Variants in ZNF10 observed in about 807,000 individuals in gnomAD.
ZNF10 encodes the protein zinc finger protein 10.
Under a neutral mutation model 12.2 loss-of-function variants are expected in ZNF10, and 8 were observed. The observed-to-expected ratio is 0.66, with a 90% CI of 0.39 to 1.18. ZNF10 has a LOEUF of 1.18. Ranked by LOEUF, ZNF10 falls within the 50% of genes most tolerant of loss-of-function variation. ZNF10 has a pLI of 0.01. For synonymous variants in ZNF10, 229 were observed against 228.2 expected (o/e 1.00, Z -0.03); for missense variants, 603 against 678.9 (o/e 0.89, Z 1.24).
chr12:133,144,759 T>C (rs1342995830), intron 2 of ZNF10: 2 of 502,264 alleles, frequency 4.0e-6, no homozygotes, highest in African/African-American at 3.9e-5. Flanking sequence ...AGAATAGTAG[T>C]GGAAAATATG....
At chr12:133,135,672 T>C (rs755307337) in intron 1 of ZNF10, among the ~76,000 whole-genome samples, 18 of 152,228 alleles carry the variant, frequency 1.2e-4, no homozygotes, top group Non-Finnish European at 1.9e-4. Flanking sequence ...ACGACTCTTC[T>C]TGGAGGTTCT....
intron 4 of ZNF10, among the ~76,000 whole-genome samples, chr12:133,154,022 C>A (rs1430725146): frequency 6.6e-6 from 1 of 151,860 alleles, no homozygotes; most frequent in Non-Finnish European, 1.5e-5. Flanking sequence ...CTGGTACTAC[C>A]TCATCATAAC....
Position 133,155,564 on chromosome 12 carries a change from G to A in ZNF10, c.318G>A (p.Lys106=), listed in dbSNP as rs748781635. Residue 106 remains lysine (K), a synonymous_variant, in exon 5 of 5, where the codon AAG becomes AAA. Coordinates refer to ENST00000248211, the MANE Select transcript of ZNF10 (RefSeq NM_015394.5). ...CCAGCAGGAGCATTTTTAAAGATAA[G>A]CAATCCTGTGACATTAAAATGGAAG... ...SVSSRSIFKD[K]QSCDIKMEGM... is the part of the protein sequence containing the mutation. 8.7e-6 allele frequency: 14 copies of A among 1,607,550 alleles called. No individual in the cohort carries two copies. The East Asian group carries it at 2.0e-4, about 23-fold the overall frequency.
intron 1 of ZNF10, 112 bp downstream of exon 1, chr12:133,130,866 G>C (rs980979231): frequency 1.3e-5 from 2 of 152,156 alleles, no homozygotes; most frequent in Non-Finnish European, 2.9e-5. Context: ...CGGTAATTTC[G>C]TCAATGAAAA....
At chr12:133,130,954 C>G (rs1009242461) in intron 1 of ZNF10, 200 bp downstream of exon 1, 5 of 152,232 alleles carry the variant, frequency 3.3e-5, no homozygotes, top group Non-Finnish European at 7.3e-5. Flanking sequence ...GGCGGACGTT[C>G]TTGTTCTGTG....
At chr12:133,142,428 A>AAAAAAAGG (rs780984486) in intron 1 of ZNF10, among the ~76,000 whole-genome samples, 1 of 150,348 alleles carries the variant, frequency 6.7e-6, no homozygotes, top group Admixed American at 6.6e-5. Context: ...AAAAAAAAAA[A>AAAAAAAGG]GTGGGAGAAA....
intron 2 of ZNF10, among the ~76,000 whole-genome samples, chr12:133,147,478 A>G (rs1955982818): frequency 6.6e-6 from 1 of 152,174 alleles, no homozygotes. Flanking sequence ...TGTCATTTTA[A>G]CTTTCATTTC....
intron 1 of ZNF10, among the ~76,000 whole-genome samples, chr12:133,136,059 A>G (rs1210627151): frequency 6.6e-6 from 1 of 152,042 alleles, no homozygotes; most frequent in Non-Finnish European, 1.5e-5. Context: ...TTTGACTCAC[A>G]TTTCTATTGA....
chr12:133,147,608 GTTTTT>G (rs149592494), intron 2 of ZNF10, among the ~76,000 whole-genome samples: 6 of 117,118 alleles, frequency 5.1e-5, no homozygotes, highest in African/African-American at 2.0e-4. Flanking sequence ...TGTTTTCTGA[GTTTTT>G]TTTTTTTTTT....
chr12:133,155,764 G>A lies in ZNF10; in HGVS notation c.518G>A (p.Cys173Tyr). ...VSESGKYGGN[C>Y]LLPAQLVLRE... ...GAAAGTGGTAAATATGGGGGAAACT[G>A]TCTTCTTCCTGCTCAGCTAGTACTG... The change falls in exon 5 of 5, where the codon TGT (cysteine) becomes TAT (tyrosine). Residue 173 changes from cysteine (C) to tyrosine (Y), a missense_variant. By Grantham distance (194) the Cys-to-Tyr change is radical. Around this residue, in one of 3 missense-constraint regions of ZNF10, gnomAD observed 393 missense variants for 399.7 expected, o/e 0.98. Transcript: ENST00000248211. The A allele has an allele frequency of 6.2e-7, 1 of 1,613,274 alleles. No homozygotes were observed. The highest frequency in any genetic ancestry group is 8.5e-7 in the Non-Finnish European group (1 of 1,179,756).
At chr12:133,150,746 C>CT in intron 2 of ZNF10, among the ~76,000 whole-genome samples, 1 of 152,110 alleles carries the variant, frequency 6.6e-6, no homozygotes, top group Non-Finnish European at 1.5e-5. Flanking sequence ...ATGATTCCCC[C>CT]TGCCATAGCT....
intron 4 of ZNF10, among the ~76,000 whole-genome samples, chr12:133,153,692 G>T (rs1198092581): frequency 1.3e-5 from 2 of 152,134 alleles, no homozygotes; most frequent in African/African-American, 4.8e-5. Flanking sequence ...CCTGGCACAG[G>T]GATCATTTAC....
intron 1 of ZNF10, among the ~76,000 whole-genome samples, chr12:133,135,454 G>T (rs181842786): frequency 5.9e-5 from 9 of 152,220 alleles, no homozygotes; most frequent in Non-Finnish European, 1.2e-4. Context: ...CTGTGGCATC[G>T]CAGTGTTCCA....
At position 133,156,209 on chromosome 12, in the gene ZNF10, T is replaced by C. The variant is rs369066308; in HGVS notation, c.963T>C (p.Tyr321=). The change falls in exon 5 of 5, where the codon TAT becomes TAC. Residue 321 remains tyrosine (Y), a synonymous_variant. Coordinates refer to ENST00000248211, the MANE Select transcript of ZNF10 (RefSeq NM_015394.5). ...AGACCCATACTGGTGAGGAACCCTATGAATGTAAAGAATGTGGAAAATCCT... is the reference window on the plus strand; with the variant it reads ...AGACCCATACTGGTGAGGAACCCTACGAATGTAAAGAATGTGGAAAATCCT... The part of the protein sequence containing the change: ...HQKTHTGEEP[Y]ECKECGKSFS... 12 of 1,613,960 alleles carry C rather than the reference T, an allele frequency of 7.4e-6. No homozygotes were observed. In the African/African-American group the frequency reaches 1.3e-4, roughly 18 times the overall value.
rs530954513 is a variant in ZNF10 at position 133,155,646 on chromosome 12, G to C, written c.400G>C (p.Asp134His). Residue 134 changes from aspartate to histidine, a missense_variant, in exon 5 of 5, where the codon GAC becomes CAC. Asp to His is a moderately conservative substitution (Grantham distance 81, BLOSUM62 -1). Around this residue, in one of 3 missense-constraint regions of ZNF10, gnomAD observed 393 missense variants for 399.7 expected, o/e 0.98. Transcript: ENST00000248211. ...LSLEEVWKCR[D>H]QLDKYQENPE... ...ATTAGAAGAAGTCTGGAAATGTAGAGACCAGTTAGACAAGTATCAGGAAAA... is the reference window on the plus strand; with the variant it reads ...ATTAGAAGAAGTCTGGAAATGTAGACACCAGTTAGACAAGTATCAGGAAAA... 6.2e-7 allele frequency: 1 copy of C among 1,613,914 alleles called. No homozygotes were observed. Among genetic ancestry groups the C allele is most frequent in the South Asian group, 1.1e-5 (1 of 91,002 alleles).
chr12:133,138,710 C>A (rs139868187), intron 1 of ZNF10, among the ~76,000 whole-genome samples: 290 of 152,222 alleles, frequency 1.9e-3, no homozygotes, highest in African/African-American at 6.6e-3. Context: ...TTTCCAGTTA[C>A]TTCAGCCTTT....
chr12:133,155,618 G>C lies in ZNF10; in HGVS notation c.372G>C (p.Leu124Phe). The C allele has an allele frequency of 6.2e-7, 1 of 1,614,026 alleles. No homozygotes were observed. Among genetic ancestry groups the C allele is most frequent in the Non-Finnish European group, 8.5e-7 (1 of 1,179,978 alleles). The change falls in exon 5 of 5, where the codon TTG becomes TTC. Residue 124 changes from leucine (L) to phenylalanine (F), a missense_variant. Physicochemically the swap from Leu to Phe is conservative, Grantham distance 22. Transcript: ENST00000248211. ...EGMARNDLWY[L>F]SLEEVWKCRD... ...TGGCAAGGAATGATCTCTGGTATTT[G>C]TCATTAGAAGAAGTCTGGAAATGTA...
Position 133,156,029 on chromosome 12 carries a change from A to C in ZNF10, c.783A>C (p.Arg261Ser), listed in dbSNP as rs1439314139. ...SSLGISKGIH[R>S]EKPYECKECG... ...TTGGTATATCAAAGGGCATACATAG[A>C]GAGAAACCCTATGAATGTAAGGAAT... The change falls in exon 5 of 5, where the codon AGA becomes AGC. Residue 261 changes from arginine to serine, a missense_variant. By Grantham distance (110) the Arg-to-Ser change is moderately radical. Around this residue, in one of 3 missense-constraint regions of ZNF10, gnomAD observed 393 missense variants for 399.7 expected, o/e 0.98. Coordinates refer to ENST00000248211, the MANE Select transcript of ZNF10 (RefSeq NM_015394.5). 6.2e-7 allele frequency: 1 copy of C among 1,613,674 alleles called. No homozygotes were observed. Among genetic ancestry groups the C allele is most frequent in the Non-Finnish European group, 8.5e-7 (1 of 1,180,000 alleles).
At chr12:133,130,861 A>G (rs1308274162) in intron 1 of ZNF10, 107 bp downstream of exon 1, 1 of 152,174 alleles carries the variant, frequency 6.6e-6, no homozygotes, top group African/African-American at 2.4e-5. Flanking sequence ...GTAGACGGTA[A>G]TTTCGTCAAT....
Sources: allele counts gnomAD v4.1 joint callset (sites outside exome capture counted in the v4.1 genomes callset), GRCh38; gene constraint gnomAD v4.1.1; regional missense constraint gnomAD v4.1.1; transcripts MANE v1.5; gene names NCBI Gene and HGNC (gene_info 2026-07-23, HGNC 2026-07-21).